RASSF3: variants seen among roughly 807,000 people sequenced by gnomAD.
RASSF3 encodes the protein ras association domain-containing protein 3.
RASSF3 carries 19 observed loss-of-function variants against 19.9 expected under a neutral mutation model. That is an observed-to-expected ratio of 0.96 (90% CI 0.67 to 1.40). The LOEUF (loss-of-function observed/expected upper bound fraction) is 1.40, where lower values mean the gene tolerates loss of function less well. Among genes scored for constraint, RASSF3 ranks in the 40% most tolerant of loss-of-function variants. The pLI, the probability that RASSF3 is intolerant of heterozygous loss-of-function variation, is 0.00. For synonymous variants in RASSF3, 110 were observed against 104.2 expected (o/e 1.06, Z -0.34); for missense variants, 306 against 289.8 (o/e 1.06, Z -0.41).
chr12:64,600,621 C>T (rs1164022149), intron 2 of RASSF3, among the ~76,000 whole-genome samples: 2 of 152,114 alleles, frequency 1.3e-5, no homozygotes, highest in Non-Finnish European at 2.9e-5. Flanking sequence ...CTTCCATTCA[C>T]CATATATGCA....
intron 1 of RASSF3, among the ~76,000 whole-genome samples, chr12:64,518,335 T>C (rs1157878317): frequency 6.6e-6 from 1 of 152,194 alleles, no homozygotes; most frequent in Non-Finnish European, 1.5e-5. Flanking sequence ...GGCCCATGGT[T>C]CTGCAGACTG....
chr12:64,575,920 G>C (rs1437181556), intron 2 of RASSF3, among the ~76,000 whole-genome samples: 1 of 113,494 alleles, frequency 8.8e-6, no homozygotes, highest in African/African-American at 3.4e-5. Flanking sequence ...ACGGAGTTTT[G>C]CTCTTGTTGC....
At chr12:64,688,926 A>G (rs571562890) in intron 3 of RASSF3, among the ~76,000 whole-genome samples, 66 of 152,296 alleles carry the variant, frequency 4.3e-4, no homozygotes, top group African/African-American at 1.3e-3. Flanking sequence ...CAGCGTACTG[A>G]TGGAAACGGC....
rs771930394 is a variant in RASSF3 at position 64,576,638 on chromosome 12, GC to G, written c.294+34936del. Among the ~76,000 whole-genome samples, 14 of 152,242 alleles carry G rather than the reference GC, an allele frequency of 9.2e-5. No homozygotes were observed. The South Asian group carries it at 1.2e-3, about 14-fold the overall frequency. ...CAGCTGAGGAGGGCAGGTCAGTTGA[GC>G]CCAGGAGTTTGAGACCAGCCTGGGC... On this transcript the variant is annotated intron_variant, in intron 2 of 5. Transcript: ENST00000637125.
chr12:64,562,093 T>C (rs1354789263), intron 2 of RASSF3, among the ~76,000 whole-genome samples: 1 of 152,024 alleles, frequency 6.6e-6, no homozygotes, highest in Non-Finnish European at 1.5e-5. Flanking sequence ...CAGGCTGGAA[T>C]GCAGTGGTGC....
intron 1 of RASSF3, among the ~76,000 whole-genome samples, chr12:64,636,302 A>G (rs1871329102): frequency 1.3e-5 from 2 of 151,882 alleles, no homozygotes; most frequent in South Asian, 2.1e-4. Flanking sequence ...TTTATTAGAG[A>G]CAGGGTTTTG....
chr12:64,628,671 A>G (rs1871073344), intron 1 of RASSF3: 1 of 151,820 alleles, frequency 6.6e-6, no homozygotes, highest in Admixed American at 6.6e-5. Context: ...TAATTTTTGT[A>G]TTATTAGTAA....
intron 1 of RASSF3, among the ~76,000 whole-genome samples, chr12:64,634,860 A>T (rs1334048161): frequency 6.6e-6 from 1 of 151,616 alleles, no homozygotes; most frequent in African/African-American, 2.4e-5. Flanking sequence ...AGTGCCTCAA[A>T]CTAGGTTTTG....
upstream of RASSF3, among the ~76,000 whole-genome samples, chr12:64,608,319 GTTTATTTA>G (rs201403917): frequency 1.3e-5 from 2 of 152,006 alleles, no homozygotes; most frequent in African/African-American, 2.4e-5. Flanking sequence ...GCATCATAAA[GTTTATTTA>G]TTTATTTATT....
rs1418198382 is a variant in RASSF3 at position 64,618,834 on chromosome 12, A to G, written c.111+8091A>G. 2.6e-5 allele frequency among the ~76,000 whole-genome samples: 4 copies of G among 152,296 alleles called. No individual in the cohort carries two copies. The East Asian group carries it at 5.8e-4, about 22-fold the overall frequency. On this transcript the variant is annotated intron_variant, in intron 1 of 4. Transcript: ENST00000542104. ...ACTAGCTACATGTAGTTTTTAAGCA[A>G]TCGAAACGTGGCTAGTCTGATTGAG...
At chr12:64,605,544 C>A (rs1870176061), upstream of RASSF3, among the ~76,000 whole-genome samples, 1 of 152,022 alleles carries the variant, frequency 6.6e-6, no homozygotes. Flanking sequence ...CCAGCAGGAA[C>A]AAAATGATGG....
intron 1 of RASSF3, among the ~76,000 whole-genome samples, chr12:64,639,464 G>C (rs116691426): frequency 6.9e-6 from 1 of 145,736 alleles, no homozygotes; most frequent in Admixed American, 6.7e-5. Flanking sequence ...ACATTTTTGC[G>C]TGGCCTTAAA....
chr12:64,681,604 G>T (rs182727479), intron 1 of RASSF3, among the ~76,000 whole-genome samples: 127 of 152,338 alleles, frequency 8.3e-4, no homozygotes, highest in Non-Finnish European at 1.3e-3. Flanking sequence ...TCTTTGGACA[G>T]TTAAAACTGA....
upstream of RASSF3, among the ~76,000 whole-genome samples, chr12:64,607,204 A>C (rs990240149): frequency 4.6e-5 from 7 of 151,090 alleles, no homozygotes; most frequent in African/African-American, 7.3e-5. Context: ...GGATTGCTTG[A>C]GCTTGGGAAG....
upstream of RASSF3, among the ~76,000 whole-genome samples, chr12:64,607,741 C>T (rs1870219126): frequency 6.6e-6 from 1 of 151,730 alleles, no homozygotes; most frequent in African/African-American, 2.4e-5. Flanking sequence ...TTGATCATGG[C>T]TTTTAAAATT....
At chr12:64,631,262 C>G (rs987543370) in intron 1 of RASSF3, among the ~76,000 whole-genome samples, 2 of 152,084 alleles carry the variant, frequency 1.3e-5, no homozygotes, top group African/African-American at 4.8e-5. Flanking sequence ...ACCTCAAGAA[C>G]AAGGGCTTGG....
chr12:64,610,805 C>T, intron 1 of RASSF3, 62 bp downstream of exon 1: 2 of 1,086,598 alleles, frequency 1.8e-6, no homozygotes, highest in Non-Finnish European at 2.6e-6. Context: ...CCCGCCAGCC[C>T]GCGCCCCCTG....
intron 2 of RASSF3, among the ~76,000 whole-genome samples, chr12:64,587,868 A>C (rs1869841602): frequency 1.3e-5 from 2 of 152,116 alleles, no homozygotes; most frequent in South Asian, 4.1e-4. Context: ...ATCTCAACCC[A>C]CGATTTTTTC....
At position 64,554,192 on chromosome 12, in the gene RASSF3, G is replaced by A. The variant is rs1869214096; in HGVS notation, c.294+12487G>A. 2.6e-5 allele frequency among the ~76,000 whole-genome samples: 4 copies of A among 152,146 alleles called. No homozygotes were observed. In the South Asian group the frequency reaches 8.3e-4, roughly 32 times the overall value. ...CTGTCCCTCATAAAATGTGACGAAA[G>A]CAAAGGTTCAGGGTCAATGCTGTCA... is the stretch of plus-strand genomic sequence containing the variant. On this transcript the variant is annotated intron_variant, in intron 2 of 5. Transcript: ENST00000637125.
Sources: gnomAD v4.1 joint callset for allele counts (sites outside exome capture counted in the v4.1 genomes callset) on GRCh38, gnomAD v4.1.1 for gene constraint, MANE v1.5 for transcripts, NCBI Gene and HGNC (gene_info 2026-07-23, HGNC 2026-07-21) for gene names.